The following DHX9 variants were observed in gnomAD, a reference collection of about 807,000 sequenced individuals.
DHX9 encodes the protein DExH-box helicase 9, also known as ATP-dependent RNA helicase A.
DHX9 carries 27 observed loss-of-function variants against 148.7 expected under a neutral mutation model. That is an observed-to-expected ratio of 0.18 (90% CI 0.13 to 0.25). DHX9 has a LOEUF of 0.25. DHX9 is among the 10% of genes least tolerant of loss of function. The pLI is 1.00. For synonymous variants in DHX9, 529 were observed against 516.6 expected, an observed-to-expected ratio of 1.02 and a Z score of -0.33; for missense variants, 796 against 1,559.6, an observed-to-expected ratio of 0.51 and a Z score of 8.25.
Position 182,872,508 on chromosome 1 carries a change from G to A in DHX9, c.1714+15G>A, listed in dbSNP as rs767992573. On this transcript the variant is annotated intron_variant, in intron 15 of 27. Coordinates refer to ENST00000367549, the MANE Select transcript of DHX9 (RefSeq NM_001357.5). ...CCCAGTTCAAGGTAATATTGTGGGG[G>A]TGGTATAGGAACATCTTTTGTGCAA... 6.2e-7 allele frequency: 1 copy of A among 1,609,910 alleles called. No individual in the cohort carries two copies. The highest frequency in any genetic ancestry group is 1.7e-5 in the Admixed American group (1 of 59,312).
chr1:182,842,550 A>C lies in DHX9; in HGVS notation c.-17A>C, dbSNP rs1183131183. On this transcript the variant is annotated 5_prime_UTR_variant, in exon 2 of 28. Transcript: ENST00000367549. ...ACTGACTTTTGTTTTCTTAGATCTGAAGAAGACACTTGAATCATGGGTGAC... is the reference window on the plus strand; with the variant it reads ...ACTGACTTTTGTTTTCTTAGATCTGCAGAAGACACTTGAATCATGGGTGAC... 6.3e-7 allele frequency: 1 copy of C among 1,594,212 alleles called. No homozygotes were observed. The highest frequency in any genetic ancestry group is 1.3e-5 in the African/African-American group (1 of 74,304).
chr1:182,849,450 A>G (rs1219454184), intron 3 of DHX9, among the ~76,000 whole-genome samples: 4 of 152,236 alleles, frequency 2.6e-5, no homozygotes. Context: ...AAAATTTAAG[A>G]ATAGTGTCAA....
intron 3 of DHX9, among the ~76,000 whole-genome samples, chr1:182,847,489 A>G (rs1215484733): frequency 6.6e-6 from 1 of 152,220 alleles, no homozygotes; most frequent in African/African-American, 2.4e-5. Flanking sequence ...TAGGACAGCC[A>G]TGGAAGAGTC....
chr1:182,869,748 G>T (rs547484332), intron 14 of DHX9, among the ~76,000 whole-genome samples: 2 of 152,312 alleles, frequency 1.3e-5, no homozygotes, highest in Admixed American at 1.3e-4. Flanking sequence ...GTAGGCGCCT[G>T]CCACCACACC....
At chr1:182,883,411 T>C (rs757380704) in intron 25 of DHX9, 43 bp downstream of exon 25, 19 of 1,590,376 alleles carry the variant, frequency 1.2e-5, no homozygotes, top group Non-Finnish European at 1.6e-5. Flanking sequence ...GTTGAAATTG[T>C]CTTTACAATC....
chr1:182,867,095 G>A (rs74129612), intron 14 of DHX9, 52 bp downstream of exon 14: 1 of 1,105,114 alleles, frequency 9.0e-7, no homozygotes, highest in Non-Finnish European at 1.3e-6. Context: ...ATTTCTAAGA[G>A]AAATCAGTAG....
intron 3 of DHX9, 56 bp downstream of exon 3, chr1:182,843,490 A>G (rs1053676354): frequency 2.1e-6 from 3 of 1,445,490 alleles, no homozygotes; most frequent in South Asian, 1.4e-5. Flanking sequence ...TACAAACTCA[A>G]TATGCGTAAG....
chr1:182,843,268 C>G, intron 2 of DHX9, 26 bp from the exon 3 acceptor site: 2 of 1,525,988 alleles, frequency 1.3e-6, no homozygotes, highest in Non-Finnish European at 1.8e-6. Flanking sequence ...AGGTCAGTCT[C>G]TTAGTACTTT....
rs1337175385 is a variant in DHX9, at chr1:182,860,089, A to C, written c.1237A>C (p.Thr413Pro). Residue 413 changes from threonine (T) to proline (P), a missense_variant, in exon 12 of 28, where the codon ACT (threonine) becomes CCT (proline). By Grantham distance (38) the Thr-to-Pro change is conservative (BLOSUM62 -1). Coordinates refer to ENST00000367549, the MANE Select transcript of DHX9 (RefSeq NM_001357.5). ...QNSVVIIRGATGCGKTTQVPQ... is the reference protein window; with the variant it reads ...QNSVVIIRGAPGCGKTTQVPQ... ...TTCAGTTGTCATTATTAGAGGGGCT[A>C]CTGGATGTGGGAAAACCACACAGGT... 6.2e-7 allele frequency: 1 copy of C among 1,613,990 alleles called. No individual in the cohort carries two copies. The highest frequency in any genetic ancestry group is 1.3e-5 in the African/African-American group (1 of 74,922).
chr1:182,877,989 A>T lies in DHX9; in HGVS notation c.2199-32A>T, dbSNP rs376097416. On this transcript the variant is annotated intron_variant, in intron 19 of 27. Coordinates refer to ENST00000367549, the MANE Select transcript of DHX9 (RefSeq NM_001357.5). ...ATAATAGTTATTGATAATACACATG[A>T]GTCTTAGAATTAACCACTTTTTCCT... The T allele has an allele frequency of 4.3e-6, 7 of 1,612,506 alleles. No individual in the cohort carries two copies. In the African/African-American group the frequency reaches 9.3e-5, roughly 22 times the overall value.
rs768747569 is a variant in DHX9 at position 182,874,993 on chromosome 1, T to C, written c.1815+39T>C. 7.9e-6 allele frequency: 12 copies of C among 1,515,112 alleles called. No homozygotes were observed. The East Asian group carries it at 1.1e-4, about 14-fold the overall frequency. 93.9% of individuals were successfully genotyped at this position (1,515,112 alleles called of 1,614,324 possible). A position where few individuals can be genotyped will look rare whatever the true frequency, so the allele number is the denominator to read the frequency against. On this transcript the variant is annotated intron_variant, in intron 16 of 27. Coordinates refer to ENST00000367549, the MANE Select transcript of DHX9 (RefSeq NM_001357.5). ...ATGAAGAATTTCCATTATGGGCAAA[T>C]TGTCAATGCAGAGAAAAAAATGAGT...
intron 27 of DHX9, among the ~76,000 whole-genome samples, chr1:182,885,089 C>T (rs1370845461): frequency 2.0e-5 from 3 of 152,160 alleles, no homozygotes; most frequent in Non-Finnish European, 2.9e-5. Flanking sequence ...CAGAGTGGGT[C>T]ACATGACAGG....
intron 14 of DHX9, among the ~76,000 whole-genome samples, chr1:182,869,546 C>T (rs1415077133): frequency 6.6e-6 from 1 of 152,164 alleles, no homozygotes; most frequent in Non-Finnish European, 1.5e-5. Flanking sequence ...CTTGCCCAGT[C>T]CTGACCGGTC....
intron 16 of DHX9, among the ~76,000 whole-genome samples, chr1:182,875,648 T>C (rs1468696573): frequency 6.6e-6 from 1 of 152,212 alleles, no homozygotes; most frequent in Non-Finnish European, 1.5e-5. Flanking sequence ...AAGATGTAAA[T>C]GAACAGCAGA....
intron 7 of DHX9, 102 bp downstream of exon 7, chr1:182,856,680 A>G (rs1668256828): frequency 4.1e-6 from 4 of 977,848 alleles, no homozygotes; most frequent in Admixed American, 2.0e-5. Flanking sequence ...ATTATTTGAA[A>G]GAGCACATAA....
At position 182,845,203 on chromosome 1, in the gene DHX9, C is replaced by T. The variant is rs565587179; in HGVS notation, c.252+1769C>T. 3.3e-5 allele frequency among the ~76,000 whole-genome samples: 5 copies of T among 152,222 alleles called. No individual in the cohort carries two copies. The East Asian group carries it at 9.6e-4, about 29-fold the overall frequency. On this transcript the variant is annotated intron_variant, in intron 3 of 27. Transcript: ENST00000367549. ...ATTGGGCAAGATCATCTTAAAAATGCCTTCTGGTAGAGAAAACAGTTTTGC... is the reference window on the plus strand; with the variant it reads ...ATTGGGCAAGATCATCTTAAAAATGTCTTCTGGTAGAGAAAACAGTTTTGC...
intron 6 of DHX9, among the ~76,000 whole-genome samples, chr1:182,856,009 T>C (rs929018514): frequency 1.3e-5 from 2 of 152,268 alleles, no homozygotes; most frequent in African/African-American, 4.8e-5. Context: ...TGCTTCCAAC[T>C]GCAGGCAGAT....
chr1:182,864,746 T>C (rs1187705670), intron 12 of DHX9, among the ~76,000 whole-genome samples: 1 of 152,184 alleles, frequency 6.6e-6, no homozygotes, highest in Non-Finnish European at 1.5e-5. Context: ...CTTAGAGAAA[T>C]TCAGCAAAAA....
At chr1:182,878,299 G>T in intron 20 of DHX9, 126 bp downstream of exon 20, 1 of 1,077,948 alleles carries the variant, frequency 9.3e-7, no homozygotes, top group East Asian at 2.5e-5. Context: ...TTGGAATCAG[G>T]TGTAAATGTT....
Sources: gnomAD v4.1 joint callset for allele counts (sites outside exome capture counted in the v4.1 genomes callset) on GRCh38, gnomAD v4.1.1 for gene constraint, MANE v1.5 for transcripts, NCBI Gene and HGNC (gene_info 2026-07-23, HGNC 2026-07-21) for gene names.